The following NRG1 variants were observed in gnomAD, a reference collection of about 807,000 sequenced individuals.
The protein encoded by NRG1 is neuregulin 1.
Under a neutral mutation model 63.8 loss-of-function variants are expected in NRG1, and 18 were observed. That is an observed-to-expected ratio of 0.28 (90% confidence interval 0.19 to 0.42). The LOEUF (loss-of-function observed/expected upper bound fraction) is 0.42. Among genes scored for constraint, NRG1 ranks in the 10% least tolerant of loss-of-function variants. The probability of loss-of-function intolerance (pLI) is 1.00; values close to 1 mark genes in which losing one functional copy is unlikely to be tolerated. For missense variants in NRG1, 762 were observed against 814.7 expected (o/e 0.94, Z 0.79); for synonymous variants, 302 against 301.3 (o/e 1.00, Z -0.02).
intron 5 of NRG1, among the ~76,000 whole-genome samples, chr8:32,627,268 A>G (rs1373347791): frequency 1.3e-5 from 2 of 152,162 alleles, no homozygotes; most frequent in East Asian, 3.8e-4. Flanking sequence ...TTTACACTAA[A>G]TAGCATTTTG....
rs1032007981 is a variant in NRG1 at position 32,459,541 on chromosome 8, G to C, written c.38-136287G>C. 2.6e-5 allele frequency among the ~76,000 whole-genome samples: 4 copies of C among 151,920 alleles called. No homozygotes were observed. In the Middle Eastern group the frequency reaches 0.014, roughly 517 times the overall value. ...ATCCCAGCTACTCCAGGAGGCTGAGGTGGGAGGATTGCTGGGAGTTCAAGA... is the reference window on the plus strand; with the variant it reads ...ATCCCAGCTACTCCAGGAGGCTGAGCTGGGAGGATTGCTGGGAGTTCAAGA... On this transcript the variant is annotated intron_variant, in intron 1 of 10. Coordinates refer to the NRG1 transcript ENST00000519301.
At chr8:32,501,056 T>C (rs542016626) in intron 1 of NRG1, among the ~76,000 whole-genome samples, 1 of 152,344 alleles carries the variant, frequency 6.6e-6, no homozygotes, top group Admixed American at 6.5e-5. Context: ...ATCTCTAATA[T>C]GCTCTTTCTT....
chr8:32,510,122 A>ATCATCATC (rs1554566690), intron 1 of NRG1, among the ~76,000 whole-genome samples: 6,099 of 116,804 alleles, frequency 0.052, 175 homozygotes, highest in Middle Eastern at 0.086. Flanking sequence ...TAATAATAAT[A>ATCATCATC]ATAATCATAA....
chr8:32,611,196 G>A (rs1846306057), intron 3 of NRG1, among the ~76,000 whole-genome samples: 4 of 152,106 alleles, frequency 2.6e-5, no homozygotes, highest in Admixed American at 2.6e-4. Flanking sequence ...ATTTGAATGA[G>A]ATTCAAGTTC....
intron 7 of NRG1, among the ~76,000 whole-genome samples, chr8:32,747,734 A>G (rs11991754): frequency 0.04 from 5,275 of 133,214 alleles, 160 homozygotes; most frequent in African/African-American, 0.098. Flanking sequence ...GTGTGTGTGT[A>G]TATATATATA....
intron 3 of NRG1, among the ~76,000 whole-genome samples, chr8:32,610,386 C>T (rs908106054): frequency 1.3e-5 from 2 of 152,108 alleles, no homozygotes; most frequent in African/African-American, 4.8e-5. Flanking sequence ...TTTACTTTCT[C>T]CCCAGATGAC....
intron 1 of NRG1, among the ~76,000 whole-genome samples, chr8:31,940,627 G>A (rs545199614): frequency 6.6e-6 from 1 of 152,088 alleles, no homozygotes; most frequent in South Asian, 2.1e-4. Flanking sequence ...CTTTGAAAAT[G>A]TGAATGAAAT....
chr8:32,533,670 A>C (rs1042309272), intron 1 of NRG1, among the ~76,000 whole-genome samples: 1 of 152,116 alleles, frequency 6.6e-6, no homozygotes, highest in African/African-American at 2.4e-5. Context: ...CTAAACATAG[A>C]AAATAGATTC....
At chr8:32,713,833 C>CT (rs923858506) in intron 5 of NRG1, among the ~76,000 whole-genome samples, 9 of 146,646 alleles carry the variant, frequency 6.1e-5, no homozygotes, top group Non-Finnish European at 7.5e-5. Flanking sequence ...ATATATATTT[C>CT]TTTTTTTTTG....
intron 1 of NRG1, among the ~76,000 whole-genome samples, chr8:32,133,611 A>G (rs2131650996): frequency 6.6e-6 from 1 of 152,244 alleles, no homozygotes; most frequent in East Asian, 1.9e-4. Context: ...AATTTAGGAG[A>G]TAATCATTTT....
intron 7 of NRG1, among the ~76,000 whole-genome samples, chr8:32,746,645 G>T (rs924421030): frequency 6.6e-6 from 1 of 151,916 alleles, no homozygotes; most frequent in Non-Finnish European, 1.5e-5. Flanking sequence ...TTTTTATATT[G>T]CTCAGAGCAC....
chr8:32,019,383 C>A (rs923630132), intron 1 of NRG1, among the ~76,000 whole-genome samples: 1 of 152,212 alleles, frequency 6.6e-6, no homozygotes, highest in Non-Finnish European at 1.5e-5. Context: ...CAGGCATGAG[C>A]CAGCGTGCCT....
chr8:32,613,521 CATT>C (rs1173695801), intron 3 of NRG1, among the ~76,000 whole-genome samples: 3 of 151,850 alleles, frequency 2.0e-5, no homozygotes, highest in Non-Finnish European at 4.4e-5. Flanking sequence ...TTTTCTACTC[CATT>C]ATTAACAGAA....
intron 1 of NRG1, among the ~76,000 whole-genome samples, chr8:32,282,430 C>A (rs560810701): frequency 1.3e-5 from 2 of 152,338 alleles, no homozygotes; most frequent in East Asian, 3.9e-4. Flanking sequence ...TTACTGTCCG[C>A]CTTCCATGAG....
chr8:32,473,018 A>G (rs1430076923), intron 1 of NRG1, among the ~76,000 whole-genome samples: 1 of 152,218 alleles, frequency 6.6e-6, no homozygotes, highest in Non-Finnish European at 1.5e-5. Flanking sequence ...AGGGGAATTT[A>G]GGCTGCACAG....
chr8:32,591,878 C>T (rs539342283), intron 1 of NRG1, among the ~76,000 whole-genome samples: 1 of 152,006 alleles, frequency 6.6e-6, no homozygotes, highest in Non-Finnish European at 1.5e-5. Context: ...ATCTGTGCAG[C>T]AAACCCCTGC....
At chr8:32,471,248 C>A (rs1301443306) in intron 1 of NRG1, among the ~76,000 whole-genome samples, 1 of 152,170 alleles carries the variant, frequency 6.6e-6, no homozygotes, top group Non-Finnish European at 1.5e-5. Context: ...GTTTCAACAA[C>A]AATAAGATTC....
At chr8:32,169,228 C>A (rs1839736604) in intron 1 of NRG1, among the ~76,000 whole-genome samples, 2 of 152,202 alleles carry the variant, frequency 1.3e-5, no homozygotes, top group African/African-American at 2.4e-5. Context: ...TGATGTGTTA[C>A]TTCTTAGACA....
At chr8:32,592,656 T>C (rs1842722806) in intron 1 of NRG1, among the ~76,000 whole-genome samples, 1 of 152,088 alleles carries the variant, frequency 6.6e-6, no homozygotes, top group Non-Finnish European at 1.5e-5. Flanking sequence ...GCAAACTGAT[T>C]TTATGATAAA....
Sources: allele counts gnomAD v4.1 joint callset (sites outside exome capture counted in the v4.1 genomes callset), GRCh38; gene constraint gnomAD v4.1.1; transcripts MANE v1.5; gene names NCBI Gene and HGNC (gene_info 2026-07-23, HGNC 2026-07-21).